SPATA6: variants seen among roughly 807,000 people sequenced by gnomAD.
SPATA6 encodes spermatogenesis-associated protein 6.
Under a neutral mutation model 65.3 loss-of-function variants are expected in SPATA6, and 56 were observed. The observed-to-expected ratio is 0.86, with a 90% confidence interval of 0.69 to 1.07. The LOEUF is 1.07. Ranked by LOEUF, SPATA6 falls within the 50% of genes least tolerant of loss-of-function variation. SPATA6 has a pLI of 0.00. For missense variants in SPATA6, 590 were observed against 594.8 expected (o/e 0.99, Z 0.08); for synonymous variants, 199 against 213.2 (o/e 0.93, Z 0.58).
intron 1 of SPATA6, among the ~76,000 whole-genome samples, chr1:48,463,737 CTA>C (rs1268448942): frequency 1.3e-5 from 2 of 151,828 alleles, no homozygotes; most frequent in African/African-American, 2.4e-5. Flanking sequence ...CTATAACTTC[CTA>C]TATGTCTGAA....
At position 48,355,784 on chromosome 1, in the gene SPATA6, T is replaced by A; in HGVS notation, c.1095-15A>T. ...CAGAATGAAATCTGTAGGCAAAAAA[T>A]AAGTTTTATTTTTGTTACTAAAATC... On this transcript the variant is annotated splice_polypyrimidine_tract_variant and intron_variant, in intron 10 of 12. Coordinates refer to ENST00000371847, the MANE Select transcript of SPATA6 (RefSeq NM_019073.4). 1 of 1,598,450 alleles carries A rather than the reference T, an allele frequency of 6.3e-7. No individual in the cohort carries two copies. Among genetic ancestry groups the A allele is most frequent in the Non-Finnish European group, 8.6e-7 (1 of 1,169,092 alleles).
chr1:48,464,392 T>TA (rs1213460163), intron 1 of SPATA6, among the ~76,000 whole-genome samples: 2 of 152,108 alleles, frequency 1.3e-5, no homozygotes, highest in Non-Finnish European at 2.9e-5. Flanking sequence ...ATTTTCCACA[T>TA]AAAAAATACA....
intron 9 of SPATA6, among the ~76,000 whole-genome samples, chr1:48,367,697 C>T (rs1483785276): frequency 2.0e-5 from 3 of 152,144 alleles, no homozygotes; most frequent in Admixed American, 6.6e-5. Context: ...TGTCTCTGCA[C>T]ATGAGATGGG....
intron 11 of SPATA6, among the ~76,000 whole-genome samples, chr1:48,332,208 G>A (rs1299133959): frequency 6.6e-6 from 1 of 152,122 alleles, no homozygotes; most frequent in Non-Finnish European, 1.5e-5. Context: ...CAACATGATA[G>A]CAGGATCAAA....
intron 7 of SPATA6, among the ~76,000 whole-genome samples, chr1:48,397,134 T>C (rs1335104524): frequency 6.6e-6 from 1 of 151,652 alleles, no homozygotes; most frequent in African/African-American, 2.4e-5. Context: ...TAATTATATT[T>C]ATATGAAATG....
At chr1:48,340,348 ATAAG>A (rs553675583) in intron 11 of SPATA6, among the ~76,000 whole-genome samples, 8 of 151,422 alleles carry the variant, frequency 5.3e-5, no homozygotes, top group Non-Finnish European at 7.4e-5. Context: ...ACCAAAAAAG[ATAAG>A]TAAGTAAATA....
chr1:48,303,710 C>T (rs995953016), intron 12 of SPATA6, among the ~76,000 whole-genome samples: 1 of 152,138 alleles, frequency 6.6e-6, no homozygotes, highest in Non-Finnish European at 1.5e-5. Flanking sequence ...GTGAATAATG[C>T]TACAATAAAT....
intron 11 of SPATA6, among the ~76,000 whole-genome samples, chr1:48,333,276 C>T (rs1286040795): frequency 6.6e-6 from 1 of 152,196 alleles, no homozygotes; most frequent in African/African-American, 2.4e-5. Flanking sequence ...TTCCTGTCCT[C>T]AAACATCAGA....
the SPATA6 span, among the ~76,000 whole-genome samples, chr1:48,267,242 G>A: frequency 8.5e-5 from 13 of 152,240 alleles, no homozygotes; most frequent in African/African-American, 3.1e-4. Context: ...CCGACCCCAC[G>A]GCTGCATCTA....
the SPATA6 span, among the ~76,000 whole-genome samples, chr1:48,282,071 C>T: frequency 1.3e-5 from 2 of 152,146 alleles, no homozygotes; most frequent in Non-Finnish European, 2.9e-5. Flanking sequence ...CTGACAAAAA[C>T]AAGAAATGGG....
At chr1:48,329,918 T>C (rs1460604690) in intron 11 of SPATA6, among the ~76,000 whole-genome samples, 3 of 152,138 alleles carry the variant, frequency 2.0e-5, no homozygotes, top group Non-Finnish European at 4.4e-5. Flanking sequence ...ACAATACTTC[T>C]AGACTGAGGC....
chr1:48,313,520 G>T (rs907998933), intron 11 of SPATA6, among the ~76,000 whole-genome samples: 2 of 152,104 alleles, frequency 1.3e-5, no homozygotes, highest in African/African-American at 4.8e-5. Flanking sequence ...CACCAGGCCT[G>T]CCCTAAAAGA....
chr1:48,310,090 C>A (rs963029463), intron 11 of SPATA6, among the ~76,000 whole-genome samples: 1 of 152,178 alleles, frequency 6.6e-6, no homozygotes, highest in African/African-American at 2.4e-5. Flanking sequence ...TGCACACATT[C>A]AGCTTTTTCT....
intron 11 of SPATA6, among the ~76,000 whole-genome samples, chr1:48,328,200 G>A (rs1259309693): frequency 1.3e-5 from 2 of 152,044 alleles, no homozygotes; most frequent in African/African-American, 4.8e-5. Flanking sequence ...TAATAAAAAA[G>A]TTCAGCAAGG....
chr1:48,370,391 G>T (rs539439411), intron 9 of SPATA6, among the ~76,000 whole-genome samples: 5 of 152,214 alleles, frequency 3.3e-5, no homozygotes, highest in African/African-American at 1.2e-4. Context: ...GGAAAAAGTA[G>T]ATATGGGTAA....
Position 48,453,101 on chromosome 1 carries a change from T to C in SPATA6, c.82A>G (p.Lys28Glu), listed in dbSNP as rs1286451187. The C allele has an allele frequency of 1.9e-6, 3 of 1,613,578 alleles. No individual in the cohort carries two copies. Among genetic ancestry groups the C allele is most frequent in the Non-Finnish European group, 2.5e-6 (3 of 1,179,846 alleles). Residue 28 changes from lysine (K) to glutamate (E), a missense_variant, in exon 2 of 13, where the codon AAA becomes GAA. Transcript: ENST00000371847. The stretch of plus-strand genomic sequence containing the variant: ...CAGATGCTAAGATAGATGTCCTCTT[T>C]GTCTTTAAGCACGACTCCTGGGCAA... ...VTCPGVVLKDKEDIYLSICVF... is the reference protein window; with the variant it reads ...VTCPGVVLKDEEDIYLSICVF...
rs185410789 is a variant in SPATA6 at position 48,472,091 on chromosome 1, G to A, written c.-83C>T. 1,986 of 1,082,998 alleles carry A rather than the reference G, an allele frequency of 1.8e-3. 5 individuals carry two copies. The highest frequency in any genetic ancestry group is 1.9e-3 in the Non-Finnish European group (1,480 of 795,272). The allele number at this position is 1,082,998 out of a possible 1,614,324, so 67.1% of individuals were successfully genotyped here. ...AGACCTGGGGCTGGGCGGGGACGGG[G>A]AGGAGACGAGGTGGCGGCGGCGGTG... On this transcript the variant is annotated 5_prime_UTR_variant, in exon 1 of 13. Coordinates refer to ENST00000371847, the MANE Select transcript of SPATA6 (RefSeq NM_019073.4).
chr1:48,432,948 TA>T (rs780868733), intron 3 of SPATA6, among the ~76,000 whole-genome samples: 1 of 152,146 alleles, frequency 6.6e-6, no homozygotes, highest in Non-Finnish European at 1.5e-5. Context: ...CATTCATCTT[TA>T]AAAAGAAATG....
At chr1:48,273,198 C>G in the SPATA6 span, among the ~76,000 whole-genome samples, 1 of 152,054 alleles carries the variant, frequency 6.6e-6, no homozygotes, top group Non-Finnish European at 1.5e-5. Context: ...AGACCAATTT[C>G]AAGGAGATTT....
Sources: gnomAD v4.1 joint callset for allele counts (sites outside exome capture counted in the v4.1 genomes callset) on GRCh38, gnomAD v4.1.1 for gene constraint, MANE v1.5 for transcripts, NCBI Gene and HGNC (gene_info 2026-07-23, HGNC 2026-07-21) for gene names.